KIF2A: variants seen among roughly 807,000 people sequenced by gnomAD.
KIF2A encodes the protein kinesin family member 2A.
KIF2A carries 22 observed loss-of-function variants against 100.2 expected under a neutral mutation model. The ratio of observed to expected loss-of-function variants is 0.22; its 90% CI spans 0.16 to 0.31. The LOEUF (loss-of-function observed/expected upper bound fraction) is 0.31. Among genes scored for constraint, KIF2A ranks in the 10% least tolerant of loss-of-function variants. The probability of loss-of-function intolerance (pLI) is 1.00; values close to 1 mark genes in which losing one functional copy is unlikely to be tolerated. For synonymous variants in KIF2A, 268 were observed against 285.9 expected, an observed-to-expected ratio of 0.94 and a Z score of 0.63; for missense variants, 495 against 898.7, an observed-to-expected ratio of 0.55 and a Z score of 5.74.
intron 9 of KIF2A, 96 bp downstream of exon 9, chr5:62,358,395 G>A: frequency 1.4e-6 from 1 of 737,928 alleles, no homozygotes; most frequent in Non-Finnish European, 2.2e-6. Flanking sequence ...TTCTTAAGAG[G>A]TGCAATATGC....
intron 17 of KIF2A, 86 bp downstream of exon 17, chr5:62,372,637 G>A: frequency 1.3e-6 from 1 of 761,224 alleles, no homozygotes; most frequent in Non-Finnish European, 2.1e-6. Flanking sequence ...TGCTATTTTT[G>A]TCCTGAGCCA....
chr5:62,335,087 A>T (rs1182445588), intron 1 of KIF2A, among the ~76,000 whole-genome samples: 1 of 152,138 alleles, frequency 6.6e-6, no homozygotes, highest in African/African-American at 2.4e-5. Context: ...CACACCCTCA[A>T]CCACCAGAAC....
intron 1 of KIF2A, among the ~76,000 whole-genome samples, chr5:62,323,112 C>T (rs999938854): frequency 6.6e-6 from 1 of 151,500 alleles, no homozygotes; most frequent in African/African-American, 2.4e-5. Flanking sequence ...CAAAATTAGC[C>T]AGGCATGGTG....
At chr5:62,352,876 TG>T in intron 5 of KIF2A, 166 bp downstream of exon 5, 1 of 545,536 alleles carries the variant, frequency 1.8e-6, no homozygotes. Context: ...GTCTGTTAAT[TG>T]GGTTTTTTAA....
chr5:62,352,880 T>G (rs1193946172), intron 5 of KIF2A, 170 bp downstream of exon 5: 1 of 520,970 alleles, frequency 1.9e-6, no homozygotes, highest in Non-Finnish European at 3.2e-6. Context: ...GTTAATTGGG[T>G]TTTTTAAAGT....
chr5:62,382,511 GT>G (rs1198725839), intron 20 of KIF2A, among the ~76,000 whole-genome samples: 1 of 152,102 alleles, frequency 6.6e-6, no homozygotes, highest in Non-Finnish European at 1.5e-5. Flanking sequence ...GTATATACAC[GT>G]TGAGTATCCC....
intron 1 of KIF2A, among the ~76,000 whole-genome samples, chr5:62,346,168 T>C (rs973734641): frequency 6.6e-6 from 1 of 151,626 alleles, no homozygotes; most frequent in African/African-American, 2.4e-5. Context: ...TCTGTAGTTA[T>C]TATCAGATAA....
chr5:62,306,562 G>A, intron 1 of KIF2A, 26 bp downstream of exon 1: 5 of 1,536,404 alleles, frequency 3.3e-6, no homozygotes, highest in Non-Finnish European at 4.4e-6. Flanking sequence ...AGCCCCGCTG[G>A]CCCGCTCGGC....
At chr5:62,306,635 G>T in intron 1 of KIF2A, 99 bp downstream of exon 1, 1 of 988,992 alleles carries the variant, frequency 1.0e-6, no homozygotes, top group Non-Finnish European at 1.5e-6. Context: ...TGCTTCGCCG[G>T]GCTGTGGGGG....
intron 18 of KIF2A, among the ~76,000 whole-genome samples, chr5:62,374,148 G>A (rs903797449): frequency 1.3e-5 from 2 of 152,154 alleles, no homozygotes; most frequent in Non-Finnish European, 2.9e-5. Context: ...GGAATTCTGG[G>A]CTGTAGTGGA....
chr5:62,322,746 T>C (rs1344257279), intron 1 of KIF2A, among the ~76,000 whole-genome samples: 2 of 151,938 alleles, frequency 1.3e-5, no homozygotes, highest in Non-Finnish European at 2.9e-5. Flanking sequence ...ATATATGGTA[T>C]AATGTATCAA....
At chr5:62,340,099 C>CT (rs1229549908) in intron 1 of KIF2A, among the ~76,000 whole-genome samples, 3 of 151,964 alleles carry the variant, frequency 2.0e-5, no homozygotes, top group Non-Finnish European at 2.9e-5. Context: ...CCATGCCCAG[C>CT]TAATTTTTTG....
chr5:62,356,746 C>G (rs1161278344), intron 7 of KIF2A, among the ~76,000 whole-genome samples: 1 of 149,380 alleles, frequency 6.7e-6, no homozygotes, highest in Non-Finnish European at 1.5e-5. Context: ...GAAATGTTGA[C>G]TTTTGTTGTG....
intron 14 of KIF2A, among the ~76,000 whole-genome samples, chr5:62,364,820 C>G (rs542933679): frequency 3.2e-4 from 48 of 152,254 alleles, no homozygotes; most frequent in African/African-American, 1.0e-3. Context: ...GTTGGCCAGG[C>G]GCAGTGGCTC....
At chr5:62,344,259 G>A (rs371428289) in intron 1 of KIF2A, among the ~76,000 whole-genome samples, 7 of 151,618 alleles carry the variant, frequency 4.6e-5, no homozygotes, top group South Asian at 2.1e-4. Context: ...CAGGAAAATC[G>A]CTTGAACCTG....
chr5:62,365,189 G>A, intron 14 of KIF2A, 54 bp from the exon 15 acceptor site: 1 of 882,066 alleles, frequency 1.1e-6, no homozygotes, highest in Non-Finnish European at 1.8e-6. Context: ...TGTTAATTAA[G>A]ATTATCCTTT....
In KIF2A at chr5:62,352,571, T is replaced by G. The variant is rs1250287282; in HGVS notation, c.335-17T>G. 1.3e-6 allele frequency: 2 copies of G among 1,508,846 alleles called. No individual in the cohort carries two copies. The highest frequency in any genetic ancestry group is 2.9e-5 in the African/African-American group (2 of 70,048). The allele number at this position is 1,508,846 out of a possible 1,614,324, so 93.5% of individuals were successfully genotyped here. A position where few individuals can be genotyped will look rare whatever the true frequency, so the allele number is the denominator to read the frequency against. ...ATTTTCTATCCTGAATTTAAAATTTTTTTTTTTTACTTACAGTGGTTGGTT... is the reference window on the plus strand; with the variant it reads ...ATTTTCTATCCTGAATTTAAAATTTGTTTTTTTTACTTACAGTGGTTGGTT... On this transcript the variant is annotated splice_polypyrimidine_tract_variant and intron_variant, in intron 4 of 20. Transcript: ENST00000407818.
rs865783903 is a variant in KIF2A at position 62,385,502 on chromosome 5, G to A, written c.2168G>A (p.Arg723His). ...TTCCAAGATAAAGTGAAATCTTTCCGTGCAGCTCTACAAGAGGAGGAACAA... is the reference window on the plus strand; with the variant it reads ...TTCCAAGATAAAGTGAAATCTTTCCATGCAGCTCTACAAGAGGAGGAACAA... ...TELRDKVKSFRAALQEEEQAS... is the reference protein window; with the variant it reads ...TELRDKVKSFHAALQEEEQAS... The change falls in exon 21 of 21, where the codon CGT becomes CAT. Residue 723 changes from arginine to histidine, a missense_variant. By Grantham distance (29) the Arg-to-His change is conservative. Coordinates refer to ENST00000407818, the MANE Select transcript of KIF2A (RefSeq NM_001098511.3). The A allele has an allele frequency of 4.4e-6, 7 of 1,587,668 alleles. No individual in the cohort carries two copies. The highest frequency in any genetic ancestry group is 6.0e-6 in the Non-Finnish European group (7 of 1,166,598).
chr5:62,367,253 G>A (rs1047636561), intron 16 of KIF2A, among the ~76,000 whole-genome samples: 1 of 151,158 alleles, frequency 6.6e-6, no homozygotes, highest in Non-Finnish European at 1.5e-5. Context: ...TCTTTCTGGT[G>A]TTTTTTTTGT....
Sources: gnomAD v4.1 joint callset for allele counts (sites outside exome capture counted in the v4.1 genomes callset) on GRCh38, gnomAD v4.1.1 for gene constraint, MANE v1.5 for transcripts, NCBI Gene and HGNC (gene_info 2026-07-23, HGNC 2026-07-21) for gene names.